Variants in CSMD3 observed in about 807,000 individuals in gnomAD.
The protein encoded by CSMD3 is CUB and sushi domain-containing protein 3.
Under a neutral mutation model 435.2 loss-of-function variants are expected in CSMD3, and 177 were observed. That is an observed-to-expected ratio of 0.41 (90% CI 0.36 to 0.46). CSMD3 has a LOEUF of 0.46. Ranked by LOEUF, CSMD3 falls within the 20% of genes least tolerant of loss-of-function variation. The probability of loss-of-function intolerance (pLI) is 0.34; values close to 1 mark genes in which losing one functional copy is unlikely to be tolerated. For missense variants in CSMD3, 4,265 were observed against 4,504.6 expected (o/e 0.95, Z 1.52); for synonymous variants, 1,656 against 1,520.5 (o/e 1.09, Z -2.07).
At chr8:112,506,544 A>C in intron 29 of CSMD3, 147 bp downstream of exon 29, 1 of 737,856 alleles carries the variant, frequency 1.4e-6, no homozygotes, top group Non-Finnish European at 2.2e-6. Flanking sequence ...ACAGTGGCAA[A>C]GCTAGAACAA....
At chr8:112,947,587 T>TA (rs960700247) in intron 9 of CSMD3, among the ~76,000 whole-genome samples, 13 of 150,106 alleles carry the variant, frequency 8.7e-5, no homozygotes, top group South Asian at 2.1e-4. Flanking sequence ...TCATTTAAAC[T>TA]AAAAAAAAAG....
At chr8:112,549,588 G>T (rs1586660436) in intron 27 of CSMD3, among the ~76,000 whole-genome samples, 1 of 151,906 alleles carries the variant, frequency 6.6e-6, no homozygotes, top group East Asian at 1.9e-4. Context: ...GATTTCAAAA[G>T]TCCTTCCTTC....
intron 22 of CSMD3, among the ~76,000 whole-genome samples, chr8:112,614,663 G>C (rs569868250): frequency 4.3e-4 from 66 of 151,806 alleles, no homozygotes; most frequent in African/African-American, 1.5e-3. Flanking sequence ...TCTTTTTTTA[G>C]ACTTACAAGT....
At chr8:112,312,019 G>A (rs1166525537) in intron 49 of CSMD3, among the ~76,000 whole-genome samples, 2 of 152,048 alleles carry the variant, frequency 1.3e-5, no homozygotes, top group East Asian at 1.9e-4. Flanking sequence ...ATCCAACTTT[G>A]TCATAAATAA....
intron 5 of CSMD3, among the ~76,000 whole-genome samples, chr8:113,041,284 CT>C (rs1456565225): frequency 6.6e-6 from 1 of 151,568 alleles, no homozygotes; most frequent in Non-Finnish European, 1.5e-5. Context: ...TGGGTCCTAC[CT>C]TGTACCCCTC....
At chr8:112,966,414 G>T (rs1437448791) in intron 7 of CSMD3, among the ~76,000 whole-genome samples, 1 of 150,852 alleles carries the variant, frequency 6.6e-6, no homozygotes. Context: ...CAGAATTTTT[G>T]ATTTGGCATC....
rs77340327 is a variant in CSMD3, at chr8:112,985,978, C to G, written c.1031-9830G>C. The stretch of plus-strand genomic sequence containing the variant: ...TTGGATCATCCAGAAACCATCCCCA[C>G]CCCCGATCTGTGGAAAAACTGTCTT... On this transcript the variant is annotated intron_variant, in intron 6 of 70. Coordinates refer to ENST00000297405, the MANE Select transcript of CSMD3 (RefSeq NM_198123.2). 6.6e-3 allele frequency among the ~76,000 whole-genome samples: 1,010 copies of G among 152,064 alleles called. 12 individuals carry two copies. The highest frequency in any genetic ancestry group is 0.023 in the African/African-American group (968 of 41,556).
chr8:113,006,750 G>T (rs1286527243), intron 6 of CSMD3, among the ~76,000 whole-genome samples: 1 of 151,924 alleles, frequency 6.6e-6, no homozygotes, highest in African/African-American at 2.4e-5. Flanking sequence ...CAGGCCCTCT[G>T]AGAGGTAGAA....
chr8:112,378,139 C>G (rs1292588059), intron 38 of CSMD3, among the ~76,000 whole-genome samples: 1 of 150,264 alleles, frequency 6.7e-6, no homozygotes, highest in Non-Finnish European at 1.5e-5. Flanking sequence ...CATCTTGCCC[C>G]AGTTAAAGTG....
chr8:112,300,665 C>T (rs1038147198), intron 53 of CSMD3, among the ~76,000 whole-genome samples: 7 of 151,856 alleles, frequency 4.6e-5, no homozygotes, highest in Admixed American at 3.9e-4. Context: ...ATTAATGACC[C>T]CAGAGACTCA....
At chr8:113,072,696 CTTCAT>C in intron 5 of CSMD3, among the ~76,000 whole-genome samples, 2 of 151,878 alleles carry the variant, frequency 1.3e-5, no homozygotes, top group East Asian at 1.9e-4. Context: ...TTCCTATACT[CTTCAT>C]TTCATTTAAA....
intron 10 of CSMD3, among the ~76,000 whole-genome samples, chr8:112,902,906 T>G (rs2082144892): frequency 6.6e-6 from 1 of 151,286 alleles, no homozygotes; most frequent in African/African-American, 2.4e-5. Context: ...TTTCTAAATC[T>G]ACTTCACCCA....
At chr8:112,228,652 C>T in intron 70 of CSMD3, 104 bp downstream of exon 70, 6 of 1,235,098 alleles carry the variant, frequency 4.9e-6, no homozygotes, top group Non-Finnish European at 7.0e-6. Flanking sequence ...GACATTTCAA[C>T]AACTCAGAAG....
chr8:112,287,004 G>T, intron 58 of CSMD3, 60 bp downstream of exon 58: 2 of 1,382,392 alleles, frequency 1.4e-6, no homozygotes, highest in Non-Finnish European at 2.1e-6. Context: ...TACTCATCTG[G>T]ATTTAGATAC....
chr8:112,323,881 A>G lies in CSMD3; in HGVS notation c.7166-3900T>C, dbSNP rs1437533211. 3.9e-5 allele frequency among the ~76,000 whole-genome samples: 6 copies of G among 152,012 alleles called. No homozygotes were observed. The South Asian group carries it at 6.2e-4, about 16-fold the overall frequency. ...TTAATCACTAAAATGCCACATCAAA[A>G]TATGTGTAAATATACTCATGTTACC... On this transcript the variant is annotated intron_variant, in intron 45 of 70. Coordinates refer to ENST00000297405, the MANE Select transcript of CSMD3 (RefSeq NM_198123.2).
chr8:113,340,365 A>G (rs1229573770), intron 1 of CSMD3, among the ~76,000 whole-genome samples: 9 of 152,104 alleles, frequency 5.9e-5, no homozygotes, highest in Non-Finnish European at 1.3e-4. Flanking sequence ...TATATATATT[A>G]TACACACCCA....
intron 13 of CSMD3, among the ~76,000 whole-genome samples, chr8:112,735,346 C>T (rs946014696): frequency 3.9e-5 from 6 of 151,916 alleles, no homozygotes; most frequent in Non-Finnish European, 5.9e-5. Flanking sequence ...CTCAAAACCA[C>T]CCTGTAAATA....
chr8:113,049,326 C>A (rs2087982815), intron 5 of CSMD3, among the ~76,000 whole-genome samples: 1 of 151,530 alleles, frequency 6.6e-6, no homozygotes, highest in Admixed American at 6.6e-5. Context: ...GGGCAGCAAA[C>A]AAAGTGCCCA....
intron 11 of CSMD3, among the ~76,000 whole-genome samples, chr8:112,840,181 T>C (rs2080139613): frequency 6.6e-6 from 1 of 151,752 alleles, no homozygotes; most frequent in Non-Finnish European, 1.5e-5. Flanking sequence ...GAATTCTCTC[T>C]GGAGCCAGTA....
Sources: gnomAD v4.1 joint callset for allele counts (sites outside exome capture counted in the v4.1 genomes callset) on GRCh38, gnomAD v4.1.1 for gene constraint, MANE v1.5 for transcripts, NCBI Gene and HGNC (gene_info 2026-07-23, HGNC 2026-07-21) for gene names.